Variants in LSAMP observed in about 807,000 individuals in gnomAD.
LSAMP encodes the protein limbic system-associated membrane protein.
A neutral mutation model predicts 38.6 loss-of-function variants in LSAMP; 7 were observed. That is an observed-to-expected ratio of 0.18 (90% confidence interval 0.10 to 0.34). LSAMP has a LOEUF of 0.34. LSAMP is among the 10% of genes least tolerant of loss of function. The pLI is 1.00. For synonymous variants in LSAMP, 154 were observed against 166.8 expected (o/e 0.92, Z 0.59); for missense variants, 313 against 420.0 (o/e 0.75, Z 2.23).
At chr3:116,251,714 C>T (rs2046687166) in intron 1 of LSAMP, among the ~76,000 whole-genome samples, 1 of 151,980 alleles carries the variant, frequency 6.6e-6, no homozygotes, top group Admixed American at 6.6e-5. Context: ...AGGAACAATT[C>T]CAGTGCTTAG....
At chr3:116,277,820 T>C (rs969393544) in intron 1 of LSAMP, among the ~76,000 whole-genome samples, 1 of 152,170 alleles carries the variant, frequency 6.6e-6, no homozygotes, top group Non-Finnish European at 1.5e-5. Flanking sequence ...TAGAGAACCA[T>C]GAGAGACTCA....
chr3:116,341,890 G>GA (rs1433133670), intron 1 of LSAMP, among the ~76,000 whole-genome samples: 2 of 151,998 alleles, frequency 1.3e-5, no homozygotes, highest in Non-Finnish European at 2.9e-5. Flanking sequence ...TGTATTTATG[G>GA]AAAAAGGTTA....
chr3:116,215,586 T>C (rs1488545748), intron 1 of LSAMP, among the ~76,000 whole-genome samples: 1 of 152,214 alleles, frequency 6.6e-6, no homozygotes, highest in Non-Finnish European at 1.5e-5. Flanking sequence ...TTCTATTGCA[T>C]TTCAGCCACT....
At chr3:116,109,877 G>A (rs548697156) in intron 1 of LSAMP, among the ~76,000 whole-genome samples, 9 of 151,780 alleles carry the variant, frequency 5.9e-5, no homozygotes, top group South Asian at 2.1e-4. Flanking sequence ...AAGGGGGGTC[G>A]GGGCATGGAA....
intron 1 of LSAMP, 76 bp downstream of exon 1, chr3:116,444,801 C>T (rs542372009): frequency 2.0e-6 from 3 of 1,517,918 alleles, no homozygotes; most frequent in Non-Finnish European, 2.7e-6. Context: ...CACACACACA[C>T]ACACACACAA....
chr3:115,899,045 C>T (rs1936803015), intron 3 of LSAMP, among the ~76,000 whole-genome samples: 1 of 152,030 alleles, frequency 6.6e-6, no homozygotes. Flanking sequence ...ATCCAGAACT[C>T]AAAGGAGAGA....
chr3:116,367,820 C>CT (rs1242861644), intron 1 of LSAMP: 3 of 151,648 alleles, frequency 2.0e-5, no homozygotes, highest in Admixed American at 6.6e-5. Context: ...GTTTTTCTTC[C>CT]TTTTTTTAAA....
intron 1 of LSAMP, among the ~76,000 whole-genome samples, chr3:116,213,659 T>C (rs1204952279): frequency 6.6e-6 from 1 of 152,146 alleles, no homozygotes. Context: ...ACAAACTAAA[T>C]ATCCACTGAT....
In LSAMP at chr3:116,380,181, G is replaced by A. The variant is rs144274411; in HGVS notation, c.155+64696C>T. Among the ~76,000 whole-genome samples, 938 of 152,022 alleles carry A rather than the reference G, an allele frequency of 6.2e-3. 10 individuals are homozygous for A. Among genetic ancestry groups the A allele is most frequent in the African/African-American group, 0.021 (891 of 41,488 alleles). ...GGATTATCAATAGCATGTACCTCTT[G>A]GGTTGCTATAGGCGGCAAAAATTAT... On this transcript the variant is annotated intron_variant, in intron 1 of 6. Transcript: ENST00000490035.
rs1933597359 is a variant in LSAMP at position 115,804,919 on chromosome 3, C to T, written c.*5398G>A. The T allele has an allele frequency of 6.6e-6, 1 of 152,178 alleles. No homozygotes were observed. The highest frequency in any genetic ancestry group is 1.5e-5 in the Non-Finnish European group (1 of 68,030). 9.4% of individuals were successfully genotyped at this position (152,178 alleles called of 1,614,324 possible). A position where few individuals can be genotyped will look rare whatever the true frequency, so the allele number is the denominator to read the frequency against. ...AAGGTAGTTATTTCCTAGGGTGACT[C>T]AGCAAGATATTTCTCGAGGATATAA... On this transcript the variant is annotated 3_prime_UTR_variant, in exon 7 of 7. Coordinates refer to ENST00000490035, the MANE Select transcript of LSAMP (RefSeq NM_002338.5).
intron 4 of LSAMP, among the ~76,000 whole-genome samples, chr3:115,851,010 G>A (rs1935313786): frequency 6.6e-6 from 1 of 151,940 alleles, no homozygotes; most frequent in South Asian, 2.1e-4. Context: ...TTTCACTCTT[G>A]TTGCCCATGC....
rs546227392 is a variant in LSAMP at position 116,354,826 on chromosome 3, T to G, written c.155+90051A>C. Among the ~76,000 whole-genome samples, 8 of 145,866 alleles carry G rather than the reference T, an allele frequency of 5.5e-5. No individual in the cohort carries two copies. The East Asian group carries it at 1.7e-3, about 30-fold the overall frequency. ...AAAACTACATAAAAAGCTCTCTGTCTCTCTCTCTGGGTGTATATATGTGTG... is the reference window on the plus strand; with the variant it reads ...AAAACTACATAAAAAGCTCTCTGTCGCTCTCTCTGGGTGTATATATGTGTG... On this transcript the variant is annotated intron_variant, in intron 1 of 6. Coordinates refer to ENST00000490035, the MANE Select transcript of LSAMP (RefSeq NM_002338.5).
At chr3:115,829,780 A>G (rs1177448038) in intron 6 of LSAMP, among the ~76,000 whole-genome samples, 1 of 152,192 alleles carries the variant, frequency 6.6e-6, no homozygotes. Context: ...TGGCCTTAGG[A>G]TGCTTCTACA....
At chr3:115,968,583 C>G (rs115744627) in intron 3 of LSAMP, among the ~76,000 whole-genome samples, 2,057 of 152,242 alleles carry the variant, frequency 0.014, 49 homozygotes, top group African/African-American at 0.045. Flanking sequence ...AGACAAAGTT[C>G]TCTTTACTCT....
intron 1 of LSAMP, among the ~76,000 whole-genome samples, chr3:116,163,416 T>G (rs1430526520): frequency 6.6e-6 from 1 of 151,862 alleles, no homozygotes; most frequent in Non-Finnish European, 1.5e-5. Context: ...CATCATTTTT[T>G]ATGGCTGCAT....
At chr3:116,267,945 AGCACCAAACTCTTCCTT>A (rs2046913933) in intron 1 of LSAMP, among the ~76,000 whole-genome samples, 1 of 152,128 alleles carries the variant, frequency 6.6e-6, no homozygotes, top group Admixed American at 6.6e-5. Flanking sequence ...TAATGACTGG[AGCACCAAACTCTTCCTT>A]GCACCAGGAG....
chr3:116,403,886 GA>G (rs906180126), intron 1 of LSAMP, among the ~76,000 whole-genome samples: 70 of 151,842 alleles, frequency 4.6e-4, no homozygotes, highest in African/African-American at 1.6e-3. Context: ...GAGCATCAGG[GA>G]CTACAGGTGT....
chr3:116,105,109 G>T (rs956896994), intron 1 of LSAMP, among the ~76,000 whole-genome samples: 1 of 151,550 alleles, frequency 6.6e-6, no homozygotes, highest in Non-Finnish European at 1.5e-5. Flanking sequence ...GTATAGGATA[G>T]TTAGCATGAT....
chr3:116,350,408 G>A (rs1014309915), intron 1 of LSAMP, among the ~76,000 whole-genome samples: 9 of 151,960 alleles, frequency 5.9e-5, no homozygotes, highest in African/African-American at 1.7e-4. Context: ...GCTGCAGTTC[G>A]AAAATATTAA....
Sources: allele counts gnomAD v4.1 joint callset (sites outside exome capture counted in the v4.1 genomes callset), GRCh38; gene constraint gnomAD v4.1.1; transcripts MANE v1.5; gene names NCBI Gene and HGNC (gene_info 2026-07-23, HGNC 2026-07-21).